The following FMN2 variants were observed in gnomAD, a reference collection of about 807,000 sequenced individuals.
FMN2 encodes formin 2, also known as formin-2.
Under a neutral mutation model 142.3 loss-of-function variants are expected in FMN2, and 51 were observed. The observed-to-expected ratio is 0.36, with a 90% CI of 0.29 to 0.45. The LOEUF (loss-of-function observed/expected upper bound fraction) is 0.45. FMN2 is among the 20% of genes least tolerant of loss of function. The pLI is 1.00. For synonymous variants in FMN2, 882 were observed against 869.8 expected (o/e 1.01, Z -0.25); for missense variants, 1,936 against 2,122.8 (o/e 0.91, Z 1.73).
intron 2 of FMN2, among the ~76,000 whole-genome samples, chr1:240,128,725 G>C (rs1662611450): frequency 6.6e-6 from 1 of 152,156 alleles, no homozygotes; most frequent in African/African-American, 2.4e-5. Flanking sequence ...CAAGAAATAA[G>C]ATCTTGAACC....
At chr1:240,330,792 A>G (rs1433121077) in intron 11 of FMN2, 43 bp downstream of exon 11, 1 of 1,594,970 alleles carries the variant, frequency 6.3e-7, no homozygotes, top group Non-Finnish European at 8.5e-7. Context: ...TTGAGGAGTC[A>G]AGGTTTTGTT....
intron 8 of FMN2, among the ~76,000 whole-genome samples, chr1:240,315,503 T>C (rs1350201394): frequency 1.3e-5 from 2 of 152,332 alleles, no homozygotes; most frequent in African/African-American, 2.4e-5. Flanking sequence ...TGAACTTATT[T>C]AGGAACTTGA....
chr1:240,468,291 T>TATACATATGCACACACACAC (rs1558123907), intron 16 of FMN2, among the ~76,000 whole-genome samples: 3 of 151,872 alleles, frequency 2.0e-5, no homozygotes, highest in African/African-American at 7.3e-5. Flanking sequence ...CACACACACA[T>TATACATATGCACACACACAC]ATACATATGC....
intron 1 of FMN2, among the ~76,000 whole-genome samples, chr1:240,112,321 C>T (rs1457515453): frequency 6.6e-6 from 1 of 151,844 alleles, no homozygotes; most frequent in Admixed American, 6.6e-5. Context: ...TAGTAGAGAC[C>T]GGGTTTCACC....
chr1:240,255,029 G>A (rs538093178), intron 6 of FMN2, among the ~76,000 whole-genome samples: 131 of 152,288 alleles, frequency 8.6e-4, no homozygotes, highest in African/African-American at 3.1e-3. Flanking sequence ...TGTGCAGGCC[G>A]CGGGGTTCTC....
intron 13 of FMN2, among the ~76,000 whole-genome samples, chr1:240,347,458 A>T (rs911802228): frequency 1.3e-5 from 2 of 152,212 alleles, no homozygotes; most frequent in Admixed American, 6.5e-5. Context: ...TCCTCCCGAC[A>T]GCACTCATCA....
chr1:240,430,357 C>G (rs574849064), intron 15 of FMN2, among the ~76,000 whole-genome samples: 32 of 152,234 alleles, frequency 2.1e-4, no homozygotes, highest in African/African-American at 5.5e-4. Context: ...TTTACACTCT[C>G]AAAAGCACTG....
intron 6 of FMN2, among the ~76,000 whole-genome samples, chr1:240,217,311 T>C (rs947766469): frequency 6.6e-6 from 1 of 152,260 alleles, no homozygotes; most frequent in Non-Finnish European, 1.5e-5. Flanking sequence ...GACTGAATGA[T>C]AATTTGTGTT....
At chr1:240,101,099 C>A (rs1661394152) in intron 1 of FMN2, among the ~76,000 whole-genome samples, 1 of 152,180 alleles carries the variant, frequency 6.6e-6, no homozygotes, top group Admixed American at 6.5e-5. Context: ...TGAGAACAAT[C>A]TATTTCCCTT....
chr1:240,202,207 A>C (rs1201581161), intron 4 of FMN2, among the ~76,000 whole-genome samples: 1 of 152,178 alleles, frequency 6.6e-6, no homozygotes, highest in East Asian at 1.9e-4. Context: ...AGCCAATCCA[A>C]GGTAACCAAA....
At chr1:240,144,055 CTT>C (rs1663317566) in intron 2 of FMN2, 2 of 1,102,356 alleles carry the variant, frequency 1.8e-6, no homozygotes. Context: ...GAATTCCTGA[CTT>C]AATGTAGTCC....
intron 14 of FMN2, among the ~76,000 whole-genome samples, chr1:240,374,117 C>T (rs1591528): frequency 6.6e-6 from 1 of 152,092 alleles, no homozygotes; most frequent in African/African-American, 2.4e-5. Context: ...ATCTTTTTTT[C>T]TGAGTAGTAG....
At chr1:240,289,019 C>A (rs6663332) in intron 7 of FMN2, among the ~76,000 whole-genome samples, 20,694 of 152,166 alleles carry the variant, frequency 0.14, 1,519 homozygotes, top group African/African-American at 0.19. Context: ...ACCCACAGAA[C>A]GTGTGAGATA....
intron 7 of FMN2, among the ~76,000 whole-genome samples, chr1:240,287,980 A>G (rs946106154): frequency 3.3e-5 from 5 of 152,170 alleles, no homozygotes; most frequent in Non-Finnish European, 5.9e-5. Context: ...TTTTTGAGCT[A>G]TGATGTCAGC....
At chr1:240,315,815 C>T (rs994888280) in intron 8 of FMN2, among the ~76,000 whole-genome samples, 16 of 151,942 alleles carry the variant, frequency 1.1e-4, no homozygotes, top group African/African-American at 3.4e-4. Context: ...CAAGATGAGA[C>T]GAGATCAACA....
At chr1:240,310,818 G>A (rs1670580159) in intron 8 of FMN2, among the ~76,000 whole-genome samples, 1 of 152,196 alleles carries the variant, frequency 6.6e-6, no homozygotes, top group South Asian at 2.1e-4. Context: ...TAAGTGTGTT[G>A]AATGACTAAC....
rs750790173 is a variant in FMN2, at chr1:240,217,806, T to TAA, written c.4065+6581_4065+6582dup. Among the ~76,000 whole-genome samples, 718 of 142,838 alleles carry TAA rather than the reference T, an allele frequency of 5.0e-3. 5 individuals are homozygous for TAA. Among genetic ancestry groups the TAA allele is most frequent in the African/African-American group, 0.017 (684 of 39,262 alleles). The allele number at this position is 142,838 out of a possible 152,430, so 93.7% of individuals were successfully genotyped here. A position where few individuals can be genotyped will look rare whatever the true frequency, so the allele number is the denominator to read the frequency against. ...ATACTTCTAAGTAAATGGCTAAAAA[T>TAA]AAAAAAAAAAACACGAATACACCAG... On this transcript the variant is annotated intron_variant, in intron 6 of 17. Transcript: ENST00000319653.
At position 240,123,219 on chromosome 1, in the gene FMN2, C is replaced by T. The variant is rs773871472; in HGVS notation, c.1656C>T (p.Asn552=). ...AGAAGCTGTTCAGCCAGCAGGAGAACGGGCCTCCAGAAGAAGCAGAGAAGT... is the reference window on the plus strand; with the variant it reads ...AGAAGCTGTTCAGCCAGCAGGAGAATGGGCCTCCAGAAGAAGCAGAGAAGT... ...LLEKLFSQQE[N]GPPEEAEKFC... The change falls in exon 2 of 18, where the codon AAC becomes AAT. Residue 552 remains asparagine (N), a synonymous_variant. Coordinates refer to ENST00000319653, the MANE Select transcript of FMN2 (RefSeq NM_020066.5). The T allele has an allele frequency of 2.3e-5, 37 of 1,614,012 alleles. No individual in the cohort carries two copies. The highest frequency in any genetic ancestry group is 1.2e-4 in the African/African-American group (9 of 74,888).
intron 8 of FMN2, among the ~76,000 whole-genome samples, chr1:240,328,462 T>C (rs1480070006): frequency 6.6e-6 from 1 of 151,988 alleles, no homozygotes. Context: ...TAAAGCATGC[T>C]TGAATGAATA....
Sources: allele counts gnomAD v4.1 joint callset (sites outside exome capture counted in the v4.1 genomes callset), GRCh38; gene constraint gnomAD v4.1.1; transcripts MANE v1.5; gene names NCBI Gene and HGNC (gene_info 2026-07-23, HGNC 2026-07-21).